Variants in CNTN4 observed in about 807,000 individuals in gnomAD.
CNTN4 encodes contactin 4, also known as contactin-4.
Under a neutral mutation model 122.5 loss-of-function variants are expected in CNTN4, and 77 were observed. That is an observed-to-expected ratio of 0.63 (90% CI 0.52 to 0.76). The LOEUF is 0.76. Ranked by LOEUF, CNTN4 falls within the 30% of genes least tolerant of loss-of-function variation. The probability of loss-of-function intolerance (pLI) is 0.00; values close to 1 mark genes in which losing one functional copy is unlikely to be tolerated. For missense variants in CNTN4, 1,256 were observed against 1,259.1 expected, an observed-to-expected ratio of 1.00 and a Z score of 0.04; for synonymous variants, 512 against 447.0, an observed-to-expected ratio of 1.15 and a Z score of -1.83.
intron 4 of CNTN4, among the ~76,000 whole-genome samples, chr3:2,636,935 T>G (rs1005523182): frequency 1.9e-4 from 24 of 124,972 alleles, no homozygotes; most frequent in African/African-American, 7.1e-4. Flanking sequence ...TTTTTTTTTT[T>G]TTTGGTTTTT....
chr3:2,513,099 A>C (rs28409005), intron 3 of CNTN4, among the ~76,000 whole-genome samples: 31,380 of 151,978 alleles, frequency 0.21, 4,637 homozygotes, highest in African/African-American at 0.42. Context: ...CTGAGTAGCA[A>C]ACAGTCCCAG....
chr3:2,674,593 T>C (rs750978022), intron 4 of CNTN4, among the ~76,000 whole-genome samples: 123 of 152,212 alleles, frequency 8.1e-4, no homozygotes, highest in Non-Finnish European at 1.1e-3. Flanking sequence ...CTCGTCTCTA[T>C]TAAATAATAC....
chr3:2,105,651 A>G (rs1243115095), intron 2 of CNTN4, among the ~76,000 whole-genome samples: 1 of 152,188 alleles, frequency 6.6e-6, no homozygotes, highest in African/African-American at 2.4e-5. Flanking sequence ...CACCCTTGAC[A>G]CATGCAAATT....
chr3:2,416,378 A>C (rs2047412751), intron 3 of CNTN4, among the ~76,000 whole-genome samples: 1 of 152,036 alleles, frequency 6.6e-6, no homozygotes, highest in Non-Finnish European at 1.5e-5. Flanking sequence ...TAAATTGGAG[A>C]TAGTAGGAAT....
At chr3:2,447,151 A>G (rs2048657316) in intron 3 of CNTN4, among the ~76,000 whole-genome samples, 1 of 152,126 alleles carries the variant, frequency 6.6e-6, no homozygotes, top group Non-Finnish European at 1.5e-5. Flanking sequence ...CACATTACAT[A>G]TACCTCTATT....
At chr3:2,405,751 G>T (rs955851568) in intron 3 of CNTN4, among the ~76,000 whole-genome samples, 4 of 150,920 alleles carry the variant, frequency 2.7e-5, no homozygotes, top group Non-Finnish European at 6.0e-5. Context: ...GGCTGGGCAT[G>T]GTGGCACATG....
intron 3 of CNTN4, among the ~76,000 whole-genome samples, chr3:2,342,705 T>C (rs1175140475): frequency 1.3e-5 from 2 of 152,228 alleles, no homozygotes; most frequent in African/African-American, 2.4e-5. Flanking sequence ...AGAAGGACTT[T>C]GTTGGCTTCT....
Position 2,450,623 on chromosome 3 carries a change from G to A in CNTN4, c.-89+111390G>A, listed in dbSNP as rs76136406. On this transcript the variant is annotated intron_variant, in intron 3 of 24. Coordinates refer to ENST00000418658, the MANE Select transcript of CNTN4 (RefSeq NM_175607.3). ...TTTGTCTCCTGTCCAGGTTTTTACC[G>A]GTTAAAAAAAAAGAACTAAGGAGCC... is the stretch of plus-strand genomic sequence containing the variant. Among the ~76,000 whole-genome samples the A allele has an allele frequency of 8.6e-3, 1,307 of 151,864 alleles. 18 individuals are homozygous for A. The highest frequency in any genetic ancestry group is 0.03 in the African/African-American group (1,226 of 41,412).
chr3:2,460,736 T>C (rs1420516851), intron 3 of CNTN4, among the ~76,000 whole-genome samples: 1 of 152,200 alleles, frequency 6.6e-6, no homozygotes, highest in Non-Finnish European at 1.5e-5. Context: ...TCTTTTCTTA[T>C]AGATTAGTCT....
intron 2 of CNTN4, among the ~76,000 whole-genome samples, chr3:2,223,243 C>G (rs1238588681): frequency 6.6e-6 from 1 of 152,126 alleles, no homozygotes; most frequent in Non-Finnish European, 1.5e-5. Flanking sequence ...TTACACTGTT[C>G]CGTCCAGTTG....
At chr3:2,606,300 C>A (rs967960051) in intron 4 of CNTN4, among the ~76,000 whole-genome samples, 4 of 151,926 alleles carry the variant, frequency 2.6e-5, no homozygotes, top group Non-Finnish European at 5.9e-5. Flanking sequence ...GTCTTTGACA[C>A]AGGGAGGAGA....
At chr3:2,384,666 C>T in intron 3 of CNTN4, among the ~76,000 whole-genome samples, 1 of 152,082 alleles carries the variant, frequency 6.6e-6, no homozygotes. Context: ...CTGAATAGGA[C>T]TCTCACATCT....
chr3:2,403,090 A>G (rs1467510430), intron 3 of CNTN4, among the ~76,000 whole-genome samples: 1 of 152,078 alleles, frequency 6.6e-6, no homozygotes, highest in East Asian at 1.9e-4. Flanking sequence ...GTGGTTTGAT[A>G]GCAATCCTTG....
intron 3 of CNTN4, among the ~76,000 whole-genome samples, chr3:2,488,456 G>C (rs560834341): frequency 6.6e-6 from 1 of 152,106 alleles, no homozygotes; most frequent in Non-Finnish European, 1.5e-5. Flanking sequence ...GAGTGTTGGG[G>C]GGTGTGTGTG....
At chr3:2,958,404 G>A (rs912778427) in intron 13 of CNTN4, among the ~76,000 whole-genome samples, 2 of 152,170 alleles carry the variant, frequency 1.3e-5, no homozygotes, top group African/African-American at 4.8e-5. Flanking sequence ...ATTGGACCAT[G>A]GAAATTCACT....
chr3:2,243,757 C>T (rs17011097), intron 2 of CNTN4, among the ~76,000 whole-genome samples: 104,300 of 151,880 alleles, frequency 0.69, 36,258 homozygotes, highest in South Asian at 0.82. Flanking sequence ...CATGCATTAT[C>T]CTTGAAACCT....
intron 3 of CNTN4, among the ~76,000 whole-genome samples, chr3:2,355,189 A>G (rs912732699): frequency 8.5e-5 from 13 of 152,248 alleles, no homozygotes; most frequent in Admixed American, 6.5e-5. Flanking sequence ...GTGTCAAAGC[A>G]TAGTGATAGA....
rs781644487 is a variant in CNTN4 at position 2,902,863 on chromosome 3, T to G, written c.1078-13T>G. Reference sequence around the variant, plus strand: ...GAAGGTCATTGTTTTTATGTTCCTCTTTTCTTTCACAGGATAGAATTCAAA... The same window carrying G: ...GAAGGTCATTGTTTTTATGTTCCTCGTTTCTTTCACAGGATAGAATTCAAA... On this transcript the variant is annotated splice_polypyrimidine_tract_variant and intron_variant, in intron 11 of 24. Transcript: ENST00000418658. The G allele has an allele frequency of 6.2e-7, 1 of 1,611,114 alleles. No homozygotes were observed. The highest frequency in any genetic ancestry group is 8.5e-7 in the Non-Finnish European group (1 of 1,178,198).
At chr3:2,131,696 A>G (rs1050320848) in intron 2 of CNTN4, among the ~76,000 whole-genome samples, 2 of 152,208 alleles carry the variant, frequency 1.3e-5, no homozygotes, top group Non-Finnish European at 2.9e-5. Context: ...TGAAACTAAC[A>G]TTTGGATGAA....
Sources: allele counts gnomAD v4.1 joint callset (sites outside exome capture counted in the v4.1 genomes callset), GRCh38; gene constraint gnomAD v4.1.1; transcripts MANE v1.5; gene names NCBI Gene and HGNC (gene_info 2026-07-23, HGNC 2026-07-21).